INSR: variants seen among roughly 807,000 people sequenced by gnomAD.
INSR encodes the protein IR.
INSR carries 67 observed loss-of-function variants against 142.6 expected under a neutral mutation model. The observed-to-expected ratio is 0.47, with a 90% confidence interval of 0.39 to 0.58. The LOEUF (loss-of-function observed/expected upper bound fraction) is 0.58, where lower values mean the gene tolerates loss of function less well. Ranked by LOEUF, INSR falls within the 20% of genes least tolerant of loss-of-function variation. The pLI is 0.00. For synonymous variants in INSR, 756 were observed against 743.1 expected (o/e 1.02, Z -0.28); for missense variants, 1,248 against 1,833.2 (o/e 0.68, Z 5.83).
At position 7,172,190 on chromosome 19, in the gene INSR, G is replaced by A. The variant is rs1974030300; in HGVS notation, c.1268+100C>T. 3.1e-6 allele frequency: 4 copies of A among 1,274,262 alleles called. No individual in the cohort carries two copies. In the South Asian group the frequency reaches 4.8e-5, roughly 15 times the overall value. 78.9% of individuals were successfully genotyped at this position (1,274,262 alleles called of 1,614,324 possible). ...GCCTCCTAAAATGCTGGGATTACAG[G>A]CATCAGCCACCACACCTGGCCAAAA... On this transcript the variant is annotated intron_variant, in intron 5 of 21. Transcript: ENST00000302850.
chr19:7,148,433 C>T (rs993060039), intron 11 of INSR, among the ~76,000 whole-genome samples: 2 of 150,794 alleles, frequency 1.3e-5, no homozygotes, highest in African/African-American at 4.9e-5. Flanking sequence ...AATAATCTGA[C>T]CCCAAATATT....
intron 1 of INSR, among the ~76,000 whole-genome samples, chr19:7,287,595 T>C (rs1287431732): frequency 6.6e-6 from 1 of 152,218 alleles, no homozygotes; most frequent in African/African-American, 2.4e-5. Flanking sequence ...AATGCCAATA[T>C]AGCTGTTTAA....
rs1272239484 is a variant in INSR, at chr19:7,122,791, G to A, written c.3370-18C>T. On this transcript the variant is annotated intron_variant, in intron 18 of 21. Transcript: ENST00000302850. ...GGATTATTCTAAAACAGAAACACGG[G>A]GTTGGTGTTTCAGCAGCACTGGGAT... 3.1e-6 allele frequency: 5 copies of A among 1,613,918 alleles called. No homozygotes were observed. The Admixed American group carries it at 5.0e-5, about 16-fold the overall frequency.
intron 17 of INSR, among the ~76,000 whole-genome samples, chr19:7,124,591 AT>A (rs1972593353): frequency 5.6e-4 from 4 of 7,088 alleles, no homozygotes; most frequent in African/African-American, 1.4e-3. Flanking sequence ...AAAAAAAAAT[AT>A]ATATATATAT....
intron 2 of INSR, among the ~76,000 whole-genome samples, chr19:7,220,454 A>G (rs1975578315): frequency 6.6e-6 from 1 of 151,990 alleles, no homozygotes; most frequent in African/African-American, 2.4e-5. Flanking sequence ...ACGCCTGGCT[A>G]ATTTTTGTAT....
chr19:7,212,075 A>G (rs1458081446), intron 2 of INSR, among the ~76,000 whole-genome samples: 1 of 152,132 alleles, frequency 6.6e-6, no homozygotes, highest in Non-Finnish European at 1.5e-5. Flanking sequence ...TGTACATTGC[A>G]GGGTGCTGAG....
intron 2 of INSR, among the ~76,000 whole-genome samples, chr19:7,251,191 G>A (rs939060359): frequency 2.8e-5 from 4 of 141,490 alleles, no homozygotes; most frequent in African/African-American, 1.1e-4. Flanking sequence ...ATGTCCCCTG[G>A]GAGACAAAAA....
At chr19:7,207,901 A>AAGGAAGG (rs1555752220) in intron 2 of INSR, among the ~76,000 whole-genome samples, 1 of 72,746 alleles carries the variant, frequency 1.4e-5, no homozygotes, top group Non-Finnish European at 2.7e-5. Context: ...GGAAGGAAGG[A>AAGGAAGG]AAGGAAGGAA....
intron 1 of INSR, 138 bp from the exon 2 acceptor site, chr19:7,268,034 C>T (rs1967794244): frequency 1.3e-6 from 1 of 756,456 alleles, no homozygotes; most frequent in Non-Finnish European, 2.3e-6. Flanking sequence ...GTAAACTCTG[C>T]AGCCAGCCGG....
chr19:7,291,390 T>C (rs1968491602), intron 1 of INSR, among the ~76,000 whole-genome samples: 1 of 152,332 alleles, frequency 6.6e-6, no homozygotes, highest in African/African-American at 2.4e-5. Context: ...ACTGAGATTA[T>C]ATATGCAAAG....
intron 11 of INSR, among the ~76,000 whole-genome samples, chr19:7,149,167 A>G (rs925131424): frequency 6.6e-6 from 1 of 151,990 alleles, no homozygotes; most frequent in Admixed American, 6.6e-5. Flanking sequence ...TCGGCCTCCC[A>G]AAGTGCTGGG....
At position 7,122,892 on chromosome 19, in the gene INSR, C is replaced by T. The variant is rs1160859936; in HGVS notation, c.3356G>A (p.Arg1119Gln). Residue 1119 changes from arginine to glutamine, a missense_variant, in exon 18 of 22, where the codon CGG (arginine) becomes CAG (glutamine). Physicochemically the swap from Arg to Gln is conservative, Grantham distance 43. This residue lies in a region of INSR where 1,069 missense variants were observed against 1,654.0 expected (regional missense o/e 0.65). Transcript: ENST00000302850. ...GDLKSYLRSL[R>Q]PEAENNPGRP... ...GAAGCAGCTTACCTCAGCCTCTGGCCGCAGAGAACGGAGGTAGCTCTTCAG... is the reference window on the plus strand; with the variant it reads ...GAAGCAGCTTACCTCAGCCTCTGGCTGCAGAGAACGGAGGTAGCTCTTCAG... 2.5e-6 allele frequency: 4 copies of T among 1,608,752 alleles called. No homozygotes were observed. Among genetic ancestry groups the T allele is most frequent in the Non-Finnish European group, 3.4e-6 (4 of 1,178,274 alleles).
rs1357036592 is a variant in INSR at position 7,184,480 on chromosome 19, G to A, written c.810C>T (p.Pro270=). 1 of 1,614,024 alleles carries A rather than the reference G, an allele frequency of 6.2e-7. No homozygotes were observed. The highest frequency in any genetic ancestry group is 1.1e-5 in the South Asian group (1 of 91,086). The change falls in exon 3 of 22, where the codon CCC becomes CCT. Residue 270 remains proline, a synonymous_variant. Coordinates refer to ENST00000302850, the MANE Select transcript of INSR (RefSeq NM_000208.4). ...GCCAGTCCTGGAAGTGGTAGTACGG[G>A]GGCGGGCAGGTCTCCACACACCTGC... is the stretch of plus-strand genomic sequence containing the variant. ...LDGRCVETCP[P]PYYHFQDWRC...
intron 2 of INSR, among the ~76,000 whole-genome samples, chr19:7,235,467 C>T (rs540967904): frequency 2.9e-4 from 44 of 152,130 alleles, no homozygotes; most frequent in Middle Eastern, 3.2e-3. Context: ...CTAGAGCTTA[C>T]GGAAGATTTT....
chr19:7,280,212 C>G (rs182621784), intron 1 of INSR, among the ~76,000 whole-genome samples: 1 of 150,974 alleles, frequency 6.6e-6, no homozygotes, highest in African/African-American at 2.4e-5. Flanking sequence ...TGCAGTGAGT[C>G]GAGACTGCGC....
intron 13 of INSR, among the ~76,000 whole-genome samples, chr19:7,135,013 C>G (rs937954761): frequency 1.4e-5 from 2 of 141,466 alleles, no homozygotes; most frequent in Admixed American, 1.5e-4. Flanking sequence ...GACACAGTTC[C>G]AAGCTAATAG....
intron 2 of INSR, among the ~76,000 whole-genome samples, chr19:7,219,139 A>G (rs988927644): frequency 6.6e-6 from 1 of 152,228 alleles, no homozygotes; most frequent in African/African-American, 2.4e-5. Context: ...TTGCAATCCA[A>G]CATCTGAGTA....
intron 2 of INSR, among the ~76,000 whole-genome samples, chr19:7,202,207 C>T (rs551815858): frequency 9.9e-5 from 15 of 152,252 alleles, no homozygotes; most frequent in Admixed American, 7.9e-4. Flanking sequence ...GTTGTGGCCA[C>T]CCTACTGAGC....
At chr19:7,139,123 A>G (rs1386455685) in intron 13 of INSR, among the ~76,000 whole-genome samples, 1 of 152,166 alleles carries the variant, frequency 6.6e-6, no homozygotes, top group Non-Finnish European at 1.5e-5. Context: ...GCAGTGAGAG[A>G]ACACATGAGG....
Sources: gnomAD v4.1 joint callset for allele counts (sites outside exome capture counted in the v4.1 genomes callset) on GRCh38, gnomAD v4.1.1 for gene constraint, gnomAD v4.1.1 regional missense constraint, MANE v1.5 for transcripts, NCBI Gene and HGNC (gene_info 2026-07-23, HGNC 2026-07-21) for gene names.